BMPR1A: variants seen among roughly 807,000 people sequenced by gnomAD.
The protein encoded by BMPR1A is bone morphogenetic protein receptor type-1A.
Under a neutral mutation model 66.0 loss-of-function variants are expected in BMPR1A, and 7 were observed. That is an observed-to-expected ratio of 0.11 (90% confidence interval 0.06 to 0.20). The LOEUF is 0.20. Ranked by LOEUF, BMPR1A falls within the 10% of genes least tolerant of loss-of-function variation. The pLI, the probability that BMPR1A is intolerant of heterozygous loss-of-function variation, is 1.00. For missense variants in BMPR1A, 408 were observed against 669.1 expected, an observed-to-expected ratio of 0.61 and a Z score of 4.31; for synonymous variants, 200 against 229.7, an observed-to-expected ratio of 0.87 and a Z score of 1.17.
At chr10:86,849,960 G>A (rs572449651) in intron 2 of BMPR1A, among the ~76,000 whole-genome samples, 13 of 152,226 alleles carry the variant, frequency 8.5e-5, no homozygotes, top group Non-Finnish European at 1.9e-4. Context: ...TAAATACTAC[G>A]AAGCATCCAG....
intron 3 of BMPR1A, among the ~76,000 whole-genome samples, chr10:86,878,647 T>C (rs970541935): frequency 8.5e-5 from 13 of 152,226 alleles, no homozygotes; most frequent in African/African-American, 2.9e-4. Context: ...GTTACTATTA[T>C]CTGCATTTGA....
chr10:86,892,007 T>A (rs1843156441), intron 4 of BMPR1A, 120 bp from the exon 5 acceptor site: 4 of 775,740 alleles, frequency 5.2e-6, no homozygotes, highest in South Asian at 4.5e-5. Flanking sequence ...TGAATGCAAT[T>A]CTAAGTCACA....
intron 1 of BMPR1A, among the ~76,000 whole-genome samples, chr10:86,807,425 G>T (rs1457744847): frequency 2.6e-5 from 4 of 152,112 alleles, no homozygotes; most frequent in African/African-American, 9.7e-5. Flanking sequence ...CTCTCATCCA[G>T]GCTGGAGTGC....
Position 86,787,164 on chromosome 10 carries a change from A to G in BMPR1A, c.-268+30245A>G, listed in dbSNP as rs554346175. Among the ~76,000 whole-genome samples, 10 of 152,304 alleles carry G rather than the reference A, an allele frequency of 6.6e-5. No homozygotes were observed. In the South Asian group the frequency reaches 2.1e-3, roughly 32 times the overall value. ...TTATAAAGTACAATCAATGATAATC[A>G]ATGGATTTTTTAAAAAAGAACTAAA... On this transcript the variant is annotated intron_variant, in intron 1 of 12. Transcript: ENST00000372037.
At chr10:86,770,888 AG>A (rs1331429213) in intron 1 of BMPR1A, among the ~76,000 whole-genome samples, 1 of 152,120 alleles carries the variant, frequency 6.6e-6, no homozygotes, top group African/African-American at 2.4e-5. Flanking sequence ...AAGAGCCTTA[AG>A]TTCCCATTAC....
chr10:86,881,614 G>A (rs1842987263), intron 3 of BMPR1A, among the ~76,000 whole-genome samples: 2 of 152,158 alleles, frequency 1.3e-5, no homozygotes, highest in Admixed American at 1.3e-4. Flanking sequence ...CAGCTCTCGA[G>A]CTAATTACCA....
intron 1 of BMPR1A, among the ~76,000 whole-genome samples, chr10:86,781,323 G>A (rs1841434508): frequency 6.6e-6 from 1 of 152,124 alleles, no homozygotes; most frequent in African/African-American, 2.4e-5. Context: ...GCACTTTTGT[G>A]AGAAATCCGC....
intron 2 of BMPR1A, among the ~76,000 whole-genome samples, chr10:86,859,739 G>A (rs1842688606): frequency 6.6e-6 from 1 of 152,002 alleles, no homozygotes; most frequent in African/African-American, 2.4e-5. Context: ...GAACCTGGGA[G>A]GCGGAGGTTG....
intron 1 of BMPR1A, among the ~76,000 whole-genome samples, chr10:86,760,224 TTTTCTTTCTTTCTTTCTTTCTTTC>T (rs578087418): frequency 1.1e-5 from 1 of 89,408 alleles, no homozygotes; most frequent in Non-Finnish European, 2.1e-5. Flanking sequence ...CCTTATTGTT[TTTTCTTTCTTTCTTTCTTTCTTTC>T]TTTTTTTTTT....
chr10:86,781,937 G>T (rs900519041), intron 1 of BMPR1A, among the ~76,000 whole-genome samples: 3 of 149,990 alleles, frequency 2.0e-5, no homozygotes, highest in South Asian at 2.1e-4. Context: ...CGCGATCTGG[G>T]CTCACTGCAA....
At chr10:86,896,670 T>C (rs528377868) in intron 5 of BMPR1A, among the ~76,000 whole-genome samples, 2 of 152,298 alleles carry the variant, frequency 1.3e-5, no homozygotes, top group East Asian at 3.9e-4. Flanking sequence ...ACTGAATGCA[T>C]TAAAAAATGA....
intron 4 of BMPR1A, 54 bp from the exon 5 acceptor site, chr10:86,892,073 A>G: frequency 2.1e-6 from 3 of 1,437,796 alleles, no homozygotes; most frequent in Non-Finnish European, 2.9e-6. Flanking sequence ...AAATTTCGTT[A>G]GTACTTTCTA....
chr10:86,847,382 A>T (rs905148718), intron 2 of BMPR1A, among the ~76,000 whole-genome samples: 1 of 151,190 alleles, frequency 6.6e-6, no homozygotes, highest in African/African-American at 2.4e-5. Context: ...GGTGTCACAG[A>T]TACTCCAGTT....
intron 2 of BMPR1A, among the ~76,000 whole-genome samples, chr10:86,859,880 C>T (rs752985570): frequency 1.3e-5 from 2 of 152,146 alleles, no homozygotes; most frequent in Non-Finnish European, 2.9e-5. Context: ...AAAACCAAAA[C>T]CTCCCTTAGA....
chr10:86,836,091 G>C (rs1400098947), intron 1 of BMPR1A, among the ~76,000 whole-genome samples: 1 of 152,148 alleles, frequency 6.6e-6, no homozygotes, highest in Non-Finnish European at 1.5e-5. Flanking sequence ...TTGAAAAAAT[G>C]ACTTGTACTT....
intron 1 of BMPR1A, among the ~76,000 whole-genome samples, chr10:86,766,205 T>C (rs1197421371): frequency 6.6e-6 from 1 of 152,086 alleles, no homozygotes; most frequent in Non-Finnish European, 1.5e-5. Flanking sequence ...ATGCCTAGGC[T>C]GGTCTCGAAC....
intron 1 of BMPR1A, among the ~76,000 whole-genome samples, chr10:86,774,326 G>T (rs1303211554): frequency 6.6e-6 from 1 of 152,032 alleles, no homozygotes; most frequent in Non-Finnish European, 1.5e-5. Flanking sequence ...GTGTGATGCT[G>T]TTGTAAATTT....
intron 3 of BMPR1A, among the ~76,000 whole-genome samples, chr10:86,880,958 T>G (rs1441411658): frequency 3.3e-5 from 5 of 152,144 alleles, no homozygotes; most frequent in Admixed American, 1.3e-4. Context: ...TGCCAACACT[T>G]GGGAGGCCAA....
chr10:86,813,648 T>G (rs1027826157), intron 1 of BMPR1A, among the ~76,000 whole-genome samples: 2 of 152,194 alleles, frequency 1.3e-5, no homozygotes, highest in Non-Finnish European at 2.9e-5. Context: ...CGCTCTCCAT[T>G]TCCCCCCATT....
Sources: gnomAD v4.1 joint callset for allele counts (sites outside exome capture counted in the v4.1 genomes callset) on GRCh38, gnomAD v4.1.1 for gene constraint, MANE v1.5 for transcripts, NCBI Gene and HGNC (gene_info 2026-07-23, HGNC 2026-07-21) for gene names.